The following CTNND2 variants were observed in gnomAD, a reference collection of about 807,000 sequenced individuals.
The protein encoded by CTNND2 is catenin delta 2, also known as catenin delta-2.
CTNND2 carries 22 observed loss-of-function variants against 144.4 expected under a neutral mutation model. That is an observed-to-expected ratio of 0.15 (90% CI 0.11 to 0.22). CTNND2 has a LOEUF of 0.22. Among genes scored for constraint, CTNND2 ranks in the 10% least tolerant of loss-of-function variants. The pLI, the probability that CTNND2 is intolerant of heterozygous loss-of-function variation, is 1.00. For synonymous variants in CTNND2, 751 were observed against 695.6 expected, an observed-to-expected ratio of 1.08 and a Z score of -1.25; for missense variants, 1,353 against 1,618.8, an observed-to-expected ratio of 0.84 and a Z score of 2.82.
chr5:11,694,478 T>A (rs1181212524), intron 2 of CTNND2, among the ~76,000 whole-genome samples: 1 of 149,290 alleles, frequency 6.7e-6, no homozygotes, highest in Non-Finnish European at 1.5e-5. Context: ...CAAACTGAAA[T>A]GTGGCACCAA....
At chr5:11,143,075 C>T (rs1402100072) in intron 12 of CTNND2, among the ~76,000 whole-genome samples, 4 of 152,054 alleles carry the variant, frequency 2.6e-5, no homozygotes, top group African/African-American at 7.2e-5. Context: ...CATATGTGCC[C>T]GAGCAAAGGG....
At chr5:11,571,795 A>G (rs1278980709) in intron 2 of CTNND2, among the ~76,000 whole-genome samples, 6 of 152,084 alleles carry the variant, frequency 3.9e-5, no homozygotes, top group Admixed American at 3.9e-4. Context: ...ACCTTCTTTC[A>G]TCCATTCTAA....
chr5:11,535,918 C>A (rs1487535027), intron 3 of CTNND2, among the ~76,000 whole-genome samples: 1 of 152,190 alleles, frequency 6.6e-6, no homozygotes, highest in Non-Finnish European at 1.5e-5. Flanking sequence ...AAAACCAGAA[C>A]TTTCCTCATC....
At chr5:11,893,494 C>T (rs1036538112) in intron 1 of CTNND2, among the ~76,000 whole-genome samples, 2 of 152,064 alleles carry the variant, frequency 1.3e-5, no homozygotes, top group African/African-American at 4.8e-5. Flanking sequence ...GTGGACTCGC[C>T]CATTATAATA....
At position 11,384,578 on chromosome 5, in the gene CTNND2, G is replaced by T; in HGVS notation, c.1177+87C>A. 1 of 1,306,550 alleles carries T rather than the reference G, an allele frequency of 7.7e-7. No homozygotes were observed. The highest frequency in any genetic ancestry group is 1.0e-6 in the Non-Finnish European group (1 of 970,080). The allele number at this position is 1,306,550 out of a possible 1,614,324, so 80.9% of individuals were successfully genotyped here. The stretch of plus-strand genomic sequence containing the variant: ...TACAACCTGGCAGACAGCGCGCCCG[G>T]CTTCGCTTCTGCTCAAGCCGGGCTG... On this transcript the variant is annotated intron_variant, in intron 7 of 21. Coordinates refer to ENST00000304623, the MANE Select transcript of CTNND2 (RefSeq NM_001332.4). This position sits in a 1 kb window ranked among gnomAD's most constrained non-coding sequence, Gnocchi z 5.2.
intron 3 of CTNND2, among the ~76,000 whole-genome samples, chr5:11,476,542 A>G (rs1767758986): frequency 2.0e-5 from 3 of 151,876 alleles, no homozygotes; most frequent in Admixed American, 2.0e-4. Flanking sequence ...CATATAAAAA[A>G]CTCCATACAC....
chr5:11,687,581 G>A (rs1473827993), intron 2 of CTNND2, among the ~76,000 whole-genome samples: 4 of 152,220 alleles, frequency 2.6e-5, no homozygotes, highest in African/African-American at 9.6e-5. Context: ...GCTTAGGTGT[G>A]AGGATCATCA....
chr5:11,207,905 A>T, intron 10 of CTNND2, among the ~76,000 whole-genome samples: 1 of 152,194 alleles, frequency 6.6e-6, no homozygotes, highest in East Asian at 1.9e-4. Context: ...AAACTGAAAT[A>T]AGGAGGTGAG....
At chr5:11,692,862 A>G (rs541845247) in intron 2 of CTNND2, among the ~76,000 whole-genome samples, 101 of 152,292 alleles carry the variant, frequency 6.6e-4, no homozygotes, top group Middle Eastern at 3.4e-3. Context: ...TCGGCCTCCT[A>G]AAGTGCTGGG....
chr5:11,585,109 T>C (rs781344877), intron 2 of CTNND2, among the ~76,000 whole-genome samples: 4 of 152,144 alleles, frequency 2.6e-5, no homozygotes, highest in Non-Finnish European at 5.9e-5. Context: ...ATTTGTGACA[T>C]TTCCATAGCT....
chr5:11,836,445 A>C (rs1794185284), intron 1 of CTNND2, among the ~76,000 whole-genome samples: 1 of 152,210 alleles, frequency 6.6e-6, no homozygotes, highest in Non-Finnish European at 1.5e-5. Context: ...GTAACACATT[A>C]GCTCCACTTT....
chr5:11,587,495 C>T (rs565888134), intron 2 of CTNND2, among the ~76,000 whole-genome samples: 2 of 152,014 alleles, frequency 1.3e-5, no homozygotes, highest in South Asian at 4.1e-4. Flanking sequence ...CATGGGTAGG[C>T]AATTAACATA....
chr5:11,232,529 GC>G lies in CTNND2; in HGVS notation c.1761+4161del, dbSNP rs548956382. 7.9e-5 allele frequency among the ~76,000 whole-genome samples: 12 copies of G among 152,352 alleles called. 1 individual carries two copies. In the East Asian group the frequency reaches 2.3e-3, roughly 29 times the overall value. On this transcript the variant is annotated intron_variant, in intron 10 of 21. Transcript: ENST00000304623. Reference sequence around the variant, plus strand: ...CTATTGGATTTCGAGCTTGCATGGGGCCTGTAGCCCCCTTGTTTTGGCCAAT... The same window carrying G: ...CTATTGGATTTCGAGCTTGCATGGGGCTGTAGCCCCCTTGTTTTGGCCAAT...
At chr5:11,218,594 G>A (rs1739460058) in intron 10 of CTNND2, among the ~76,000 whole-genome samples, 1 of 152,124 alleles carries the variant, frequency 6.6e-6, no homozygotes, top group African/African-American at 2.4e-5. Flanking sequence ...TTTTCATATG[G>A]ATGACAGTAC....
chr5:11,584,082 G>A (rs1283542749), intron 2 of CTNND2, among the ~76,000 whole-genome samples: 1 of 152,148 alleles, frequency 6.6e-6, no homozygotes. Flanking sequence ...TTTCAACACT[G>A]AATATAGTAT....
intron 1 of CTNND2, among the ~76,000 whole-genome samples, chr5:11,779,230 C>G (rs577547310): frequency 6.6e-6 from 1 of 152,146 alleles, no homozygotes; most frequent in African/African-American, 2.4e-5. Flanking sequence ...AATTTTTTAA[C>G]CATATATTTT....
Position 11,384,762 on chromosome 5 carries a change from C to T in CTNND2, c.1080G>A (p.Ser360=). Residue 360 remains serine, a synonymous_variant, in exon 7 of 22, where the codon TCG becomes TCA. Coordinates refer to ENST00000304623, the MANE Select transcript of CTNND2 (RefSeq NM_001332.4). The surrounding 1 kb of genome is among the most constrained non-coding windows in gnomAD (Gnocchi z 5.2). ...ACGCGTGGACCAGGCGCTTGGTGGG[C>T]GACAGGGTGGCGTACGTGCCGATGG... The part of the protein sequence containing the change: ...SSTIGTYATL[S]PTKRLVHASE... The T allele has an allele frequency of 6.2e-7, 1 of 1,612,922 alleles. No homozygotes were observed. The highest frequency in any genetic ancestry group is 8.5e-7 in the Non-Finnish European group (1 of 1,179,620).
chr5:11,645,541 C>T (rs952346402), intron 2 of CTNND2, among the ~76,000 whole-genome samples: 2 of 152,096 alleles, frequency 1.3e-5, no homozygotes, highest in Non-Finnish European at 2.9e-5. Context: ...TTTTAATTTT[C>T]CTTTTTTAAA....
intron 9 of CTNND2, among the ~76,000 whole-genome samples, chr5:11,284,956 G>A (rs529818374): frequency 2.1e-4 from 32 of 152,264 alleles, no homozygotes; most frequent in African/African-American, 7.7e-4. Context: ...GCCTGACAGA[G>A]CCCCCCTCCT....
Sources: allele counts gnomAD v4.1 joint callset (sites outside exome capture counted in the v4.1 genomes callset), GRCh38; gene constraint gnomAD v4.1.1; non-coding constraint Gnocchi (gnomAD v3.1); transcripts MANE v1.5; gene names NCBI Gene and HGNC (gene_info 2026-07-23, HGNC 2026-07-21).